GREB1: variants seen among roughly 807,000 people sequenced by gnomAD.
GREB1 encodes growth regulating estrogen receptor binding 1, also known as protein GREB1.
A neutral mutation model predicts 200.7 loss-of-function variants in GREB1; 106 were observed. The observed-to-expected ratio is 0.53, with a 90% CI of 0.45 to 0.62. The LOEUF (loss-of-function observed/expected upper bound fraction) is 0.62, where lower values mean the gene tolerates loss of function less well. GREB1 is among the 20% of genes least tolerant of loss of function. GREB1 has a pLI of 0.00. For missense variants in GREB1, 2,243 were observed against 2,556.8 expected (o/e 0.88, Z 2.65); for synonymous variants, 1,132 against 1,092.4 (o/e 1.04, Z -0.72).
intron 4 of GREB1, among the ~76,000 whole-genome samples, chr2:11,567,488 C>G (rs375894564): frequency 6.6e-6 from 1 of 152,108 alleles, no homozygotes; most frequent in African/African-American, 2.4e-5. Context: ...TGCTCAAGGC[C>G]GCGTGAGTAA....
chr2:11,607,400 TCTG>T (rs1485310258), intron 17 of GREB1, among the ~76,000 whole-genome samples: 2 of 151,254 alleles, frequency 1.3e-5, no homozygotes, highest in African/African-American at 4.9e-5. Context: ...TGTTATCTAA[TCTG>T]CTGCCAATTT....
At chr2:11,574,066 C>G (rs535424691) in intron 4 of GREB1, among the ~76,000 whole-genome samples, 1 of 152,216 alleles carries the variant, frequency 6.6e-6, no homozygotes, top group Non-Finnish European at 1.5e-5. Context: ...TTATCTCAAG[C>G]GTCCCTAAGT....
Position 11,585,862 on chromosome 2 carries a change from C to T in GREB1, c.1116C>T (p.Asp372=), listed in dbSNP as rs1558587782. Residue 372 remains aspartate, a synonymous_variant, in exon 9 of 33, where the codon GAC becomes GAT. Coordinates refer to ENST00000381486, the MANE Select transcript of GREB1 (RefSeq NM_014668.4). The stretch of plus-strand genomic sequence containing the variant: ...CTGGAGAACCAGTGTCTGTTCCTGA[C>T]AACTTGCTGAAAATATGCAAGGCCA... ...VASGEPVSVP[D]NLLKICKAKP... The T allele has an allele frequency of 1.2e-6, 2 of 1,613,980 alleles. No individual in the cohort carries two copies. The highest frequency in any genetic ancestry group is 1.3e-5 in the African/African-American group (1 of 75,050).
At position 11,620,952 on chromosome 2, in the gene GREB1, G is replaced by C; in HGVS notation, c.4092G>C (p.Arg1364Ser). 1 of 1,613,414 alleles carries C rather than the reference G, an allele frequency of 6.2e-7. No individual in the cohort carries two copies. Among genetic ancestry groups the C allele is most frequent in the East Asian group, 2.2e-5 (1 of 44,888 alleles). ...TGCAGTTCCTCAGTGTCCTGTCCAG[G>C]ATGCTTGTTCGGCTCACAGAAGTGG... ...AYLQFLSVLS[R>S]MLVRLTEVDV... Residue 1364 changes from arginine to serine, a missense_variant, in exon 23 of 33, where the codon AGG (arginine) becomes AGC (serine). Physicochemically the swap from Arg to Ser is moderately radical, Grantham distance 110. Coordinates refer to ENST00000381486, the MANE Select transcript of GREB1 (RefSeq NM_014668.4).
intron 1 of GREB1, among the ~76,000 whole-genome samples, chr2:11,509,323 T>C (rs565171315): frequency 1.3e-5 from 2 of 152,314 alleles, no homozygotes; most frequent in South Asian, 4.2e-4. Flanking sequence ...CATATATATA[T>C]TTCCCAGATT....
chr2:11,524,004 A>T (rs944964240), intron 1 of GREB1, among the ~76,000 whole-genome samples: 2 of 152,162 alleles, frequency 1.3e-5, no homozygotes, highest in African/African-American at 4.8e-5. Flanking sequence ...CAGGAAAGGG[A>T]TCACAGTGTA....
chr2:11,509,584 G>A (rs1023077496), intron 1 of GREB1, among the ~76,000 whole-genome samples: 2 of 152,096 alleles, frequency 1.3e-5, no homozygotes, highest in African/African-American at 4.8e-5. Context: ...GAATGTTGGT[G>A]TCCTCCTAAA....
At position 11,518,960 on chromosome 2, in the gene GREB1, C is replaced by T. The variant is rs533383180; in HGVS notation, c.-159+36579C>T. Among the ~76,000 whole-genome samples the T allele has an allele frequency of 4.6e-5, 7 of 151,670 alleles. No individual in the cohort carries two copies. The South Asian group carries it at 1.2e-3, about 27-fold the overall frequency. ...CTAAAAATACAAAAAATTAGTTGGG[C>T]GTGGTGGTAGGTGCCTGTAGGCCCA... On this transcript the variant is annotated intron_variant, in intron 1 of 2. Transcript: ENST00000628795.
intron 2 of GREB1, among the ~76,000 whole-genome samples, chr2:11,557,242 T>G (rs1676515420): frequency 6.6e-6 from 1 of 152,240 alleles, no homozygotes; most frequent in Non-Finnish European, 1.5e-5. Context: ...AATAAACAAC[T>G]AAATTCTCTT....
intron 9 of GREB1, 153 bp from the exon 10 acceptor site, chr2:11,588,593 C>T (rs894118069): frequency 6.7e-6 from 5 of 744,238 alleles, no homozygotes; most frequent in Non-Finnish European, 1.2e-5. Context: ...AGCAGGTGCA[C>T]TCAATGAGCA....
intron 15 of GREB1, among the ~76,000 whole-genome samples, chr2:11,599,239 A>C (rs1214007974): frequency 6.6e-6 from 1 of 151,600 alleles, no homozygotes. Context: ...TGGGGTGCGG[A>C]GGGTCCTAGC....
chr2:11,530,120 G>A (rs1674017166), upstream of GREB1, among the ~76,000 whole-genome samples: 1 of 151,786 alleles, frequency 6.6e-6, no homozygotes, highest in Admixed American at 6.6e-5. Context: ...GGAGGACAGG[G>A]GCACCATCTT....
At position 11,484,609 on chromosome 2, in the gene GREB1, GAAAGAAAGAA is replaced by G. The variant is rs1558476963; in HGVS notation, c.-159+2242_-159+2251del. Among the ~76,000 whole-genome samples the G allele has an allele frequency of 5.7e-3, 824 of 145,110 alleles. 5 individuals are homozygous for G. Among genetic ancestry groups the G allele is most frequent in the African/African-American group, 0.02 (751 of 38,388 alleles). On this transcript the variant is annotated intron_variant, in intron 1 of 2. Coordinates refer to the GREB1 transcript ENST00000628795. ...TTAAAAAACAAAAAAAAAAAAAAAAGAAAGAAAGAAAAAGAAAGAAAAAAAATTAGCGAGG... is the reference window on the plus strand; with the variant it reads ...TTAAAAAACAAAAAAAAAAAAAAAAGAAAGAAAGAAAAAAAATTAGCGAGG...
At chr2:11,498,979 G>A (rs918446264) in intron 1 of GREB1, among the ~76,000 whole-genome samples, 1 of 152,202 alleles carries the variant, frequency 6.6e-6, no homozygotes, top group Non-Finnish European at 1.5e-5. Context: ...TTAAAAAATG[G>A]TTATGATTTT....
In GREB1 at chr2:11,635,313, G is replaced by A. The variant is rs200590869; in HGVS notation, c.5254G>A (p.Ala1752Thr). The change falls in exon 30 of 33, where the codon GCC (alanine) becomes ACC (threonine). Residue 1752 changes from alanine to threonine, a missense_variant. Coordinates refer to ENST00000381486, the MANE Select transcript of GREB1 (RefSeq NM_014668.4). ...AGACTTCAACCTGCGGGTGCACAGCGCCGGCCTCCTGCTCTGCCGGTTCAA... is the reference window on the plus strand; with the variant it reads ...AGACTTCAACCTGCGGGTGCACAGCACCGGCCTCCTGCTCTGCCGGTTCAA... Reference protein sequence around the residue: ...DVDFNLRVHSAGLLLCRFNRF... With the variant: ...DVDFNLRVHSTGLLLCRFNRF... The A allele has an allele frequency of 6.8e-5, 109 of 1,614,118 alleles. No homozygotes were observed. Among genetic ancestry groups the A allele is most frequent in the African/African-American group, 2.7e-4 (20 of 75,046 alleles).
At chr2:11,634,851 C>T (rs912564503) in intron 29 of GREB1, among the ~76,000 whole-genome samples, 2 of 152,210 alleles carry the variant, frequency 1.3e-5, no homozygotes, top group African/African-American at 4.8e-5. Context: ...CTTTGCAGCG[C>T]AGGCAGGCCA....
intron 27 of GREB1, 123 bp downstream of exon 27, chr2:11,632,236 A>G: frequency 4.5e-6 from 3 of 668,658 alleles, no homozygotes; most frequent in Non-Finnish European, 7.6e-6. Flanking sequence ...TTTTAAAGCT[A>G]TTTTCATTTT....
At chr2:11,546,126 G>C (rs148277627) in intron 1 of GREB1, among the ~76,000 whole-genome samples, 8,969 of 152,176 alleles carry the variant, frequency 0.059, 333 homozygotes, top group Middle Eastern at 0.13. Context: ...GCGGTGAGCT[G>C]AGATCGTGCC....
intron 3 of GREB1, among the ~76,000 whole-genome samples, chr2:11,564,904 C>A (rs573426850): frequency 6.6e-6 from 1 of 152,198 alleles, no homozygotes; most frequent in Non-Finnish European, 1.5e-5. Flanking sequence ...TGGCAGCAGA[C>A]AAGACAGGAG....
Sources: gnomAD v4.1 joint callset for allele counts (sites outside exome capture counted in the v4.1 genomes callset) on GRCh38, gnomAD v4.1.1 for gene constraint, MANE v1.5 for transcripts, NCBI Gene and HGNC (gene_info 2026-07-23, HGNC 2026-07-21) for gene names.